Variants in GABRB2 observed in about 807,000 individuals in gnomAD.
The protein encoded by GABRB2 is gamma-aminobutyric acid type A receptor subunit beta2, also known as gamma-aminobutyric acid receptor subunit beta-2.
Under a neutral mutation model 54.7 loss-of-function variants are expected in GABRB2, and 16 were observed. The observed-to-expected ratio is 0.29, with a 90% CI of 0.20 to 0.44. The LOEUF is 0.44. GABRB2 is among the 20% of genes least tolerant of loss of function. The pLI is 1.00. For missense variants in GABRB2, 355 were observed against 644.0 expected (o/e 0.55, Z 4.86); for synonymous variants, 244 against 233.8 (o/e 1.04, Z -0.40).
chr5:161,524,913 G>T (rs1285538611), intron 3 of GABRB2, among the ~76,000 whole-genome samples: 1 of 151,256 alleles, frequency 6.6e-6, no homozygotes, highest in Non-Finnish European at 1.5e-5. Context: ...TTCGAGTAAA[G>T]TCTTAGCAAA....
At chr5:161,486,445 G>C (rs1244704571) in intron 3 of GABRB2, among the ~76,000 whole-genome samples, 3 of 152,054 alleles carry the variant, frequency 2.0e-5, no homozygotes, top group Middle Eastern at 3.4e-3. Flanking sequence ...TGTAAGGCAC[G>C]TTGTCAACAA....
In GABRB2 at chr5:161,319,962, C is replaced by A. The variant is rs952742358; in HGVS notation, c.1191+6406G>T. 4.0e-5 allele frequency among the ~76,000 whole-genome samples: 6 copies of A among 151,484 alleles called. No homozygotes were observed. The East Asian group carries it at 1.2e-3, about 29-fold the overall frequency. On this transcript the variant is annotated intron_variant, in intron 9 of 9. Transcript: ENST00000393959. ...ATATCCACATTTTCTAAGATCTTTG[C>A]ATAGTTTTCTTTTAATTTCCCCTTA... is the stretch of plus-strand genomic sequence containing the variant.
chr5:161,304,553 CT>C (rs1352275340), intron 9 of GABRB2, among the ~76,000 whole-genome samples: 1 of 152,098 alleles, frequency 6.6e-6, no homozygotes, highest in East Asian at 1.9e-4. Context: ...TTTTTTGTGG[CT>C]TGGTATCTTC....
At chr5:161,509,739 A>G (rs1319356456) in intron 3 of GABRB2, among the ~76,000 whole-genome samples, 1 of 151,914 alleles carries the variant, frequency 6.6e-6, no homozygotes, top group Non-Finnish European at 1.5e-5. Flanking sequence ...GTGGCTCCAT[A>G]CAACCAGCAC....
chr5:161,483,278 A>T (rs1397155607), intron 3 of GABRB2, among the ~76,000 whole-genome samples: 1 of 151,930 alleles, frequency 6.6e-6, no homozygotes, highest in Non-Finnish European at 1.5e-5. Flanking sequence ...ATTTGTTCTT[A>T]TTTCTTCTTA....
intron 5 of GABRB2, among the ~76,000 whole-genome samples, chr5:161,408,925 G>A (rs1385026210): frequency 2.0e-5 from 3 of 151,954 alleles, no homozygotes; most frequent in Non-Finnish European, 2.9e-5. Context: ...TTTAAGGAAT[G>A]GGATCCTAAA....
chr5:161,502,432 C>T (rs550879689), intron 3 of GABRB2, among the ~76,000 whole-genome samples: 6 of 151,972 alleles, frequency 3.9e-5, no homozygotes, highest in Non-Finnish European at 8.8e-5. Flanking sequence ...CTTGGATGAG[C>T]AATACGAGAT....
At chr5:161,505,609 AGCCCAGAAAT>A (rs1759582831) in intron 3 of GABRB2, among the ~76,000 whole-genome samples, 1 of 152,220 alleles carries the variant, frequency 6.6e-6, no homozygotes, top group East Asian at 1.9e-4. Flanking sequence ...AATAGAGTGT[AGCCCAGAAAT>A]GTCAACACAC....
intron 5 of GABRB2, among the ~76,000 whole-genome samples, chr5:161,352,264 G>A (rs1006046145): frequency 6.6e-6 from 1 of 151,904 alleles, no homozygotes; most frequent in African/African-American, 2.4e-5. Context: ...CATGTTCACT[G>A]AAATATTATT....
chr5:161,508,032 G>A (rs1759661276), intron 3 of GABRB2, among the ~76,000 whole-genome samples: 1 of 151,818 alleles, frequency 6.6e-6, no homozygotes, highest in South Asian at 2.1e-4. Flanking sequence ...ACATATGTAT[G>A]CAAAAAGACT....
intron 5 of GABRB2, among the ~76,000 whole-genome samples, chr5:161,357,786 A>G (rs1412242522): frequency 6.6e-6 from 1 of 152,112 alleles, no homozygotes; most frequent in Non-Finnish European, 1.5e-5. Context: ...TATATGAAAG[A>G]GAGAGTGGAC....
chr5:161,427,439 G>C (rs1356891259), intron 4 of GABRB2, among the ~76,000 whole-genome samples: 1 of 151,972 alleles, frequency 6.6e-6, no homozygotes, highest in Non-Finnish European at 1.5e-5. Context: ...GGAGATGATG[G>C]GTAAAGAATA....
chr5:161,290,291 C>A lies in GABRB2; in HGVS notation c.*3790G>T, dbSNP rs1231614102. On this transcript the variant is annotated 3_prime_UTR_variant, in exon 10 of 10. Transcript: ENST00000393959. ...CTTTGGAGGAATTTTTATCATTTTT[C>A]ATTTTCTTAAGACATGTTTGTTTTT... 1 of 148,962 alleles carries A rather than the reference C, an allele frequency of 6.7e-6. No homozygotes were observed. 9.2% of individuals were successfully genotyped at this position (148,962 alleles called of 1,614,324 possible).
At chr5:161,425,189 A>T (rs1011249926) in intron 4 of GABRB2, among the ~76,000 whole-genome samples, 3 of 152,154 alleles carry the variant, frequency 2.0e-5, no homozygotes, top group Non-Finnish European at 4.4e-5. Context: ...ACAATATTAC[A>T]TGAACTTATT....
chr5:161,326,434 C>T lies in GABRB2; in HGVS notation c.1125G>A (p.Leu375=), dbSNP rs749795980. 1.2e-6 allele frequency: 2 copies of T among 1,613,616 alleles called. No homozygotes were observed. Among genetic ancestry groups the T allele is most frequent in the Admixed American group, 3.3e-5 (2 of 59,994 alleles). ...IKQNGTQYRS[L]WDPTGNLSPT... ...GGGAGAGGTTTCCAGTAGGGTCCCA[C>T]AAGGATCGATATTGGGTCCCATTTT... Residue 375 remains leucine, a synonymous_variant, in exon 9 of 10, where the codon TTG becomes TTA. Transcript: ENST00000393959.
At position 161,289,756 on chromosome 5, in the gene GABRB2, A is replaced by C. The variant is rs1345402303; in HGVS notation, c.*4325T>G. 1 of 151,532 alleles carries C rather than the reference A, an allele frequency of 6.6e-6. No homozygotes were observed. The highest frequency in any genetic ancestry group is 6.6e-5 in the Admixed American group (1 of 15,148). The allele number at this position is 151,532 out of a possible 1,614,324, so 9.4% of individuals were successfully genotyped here. On this transcript the variant is annotated 3_prime_UTR_variant, in exon 10 of 10. Transcript: ENST00000393959. ...GTGTTTCCCATAGACGGGCAGAGAG[A>C]CAGAGTGGGTGAGCAAAAGATTATG...
chr5:161,379,597 G>T (rs1467176328), intron 5 of GABRB2, among the ~76,000 whole-genome samples: 1 of 151,990 alleles, frequency 6.6e-6, no homozygotes. Flanking sequence ...GCCTCTTCAG[G>T]TGCTGAAATA....
intron 4 of GABRB2, among the ~76,000 whole-genome samples, chr5:161,453,776 C>A (rs1757862212): frequency 6.6e-6 from 1 of 152,048 alleles, no homozygotes; most frequent in Non-Finnish European, 1.5e-5. Context: ...GTGGCTCATG[C>A]CTGTAATCCT....
At chr5:161,510,880 C>T (rs902708634) in intron 3 of GABRB2, among the ~76,000 whole-genome samples, 3 of 151,930 alleles carry the variant, frequency 2.0e-5, no homozygotes, top group African/African-American at 7.2e-5. Context: ...CAAGGTTTTA[C>T]ACCTTCTGCT....
Sources: gnomAD v4.1 joint callset for allele counts (sites outside exome capture counted in the v4.1 genomes callset) on GRCh38, gnomAD v4.1.1 for gene constraint, MANE v1.5 for transcripts, NCBI Gene and HGNC (gene_info 2026-07-23, HGNC 2026-07-21) for gene names.